ANO5: variants seen among roughly 807,000 people sequenced by gnomAD.
ANO5 encodes anoctamin-5.
ANO5 carries 109 observed loss-of-function variants against 121.0 expected under a neutral mutation model. The observed-to-expected ratio is 0.90, with a 90% CI of 0.77 to 1.06. ANO5 has a LOEUF of 1.06. Among genes scored for constraint, ANO5 ranks in the 50% least tolerant of loss-of-function variants. The probability of loss-of-function intolerance (pLI) is 0.00; values close to 1 mark genes in which losing one functional copy is unlikely to be tolerated. For missense variants in ANO5, 1,064 were observed against 1,078.5 expected, an observed-to-expected ratio of 0.99 and a Z score of 0.19; for synonymous variants, 406 against 359.9, an observed-to-expected ratio of 1.13 and a Z score of -1.45.
chr11:22,205,690 A>T (rs1852097270), intron 2 of ANO5, among the ~76,000 whole-genome samples: 1 of 152,156 alleles, frequency 6.6e-6, no homozygotes, highest in South Asian at 2.1e-4. Context: ...AAGCTGTGGA[A>T]AGATACATAA....
chr11:22,262,354 C>T (rs1462445866), intron 16 of ANO5, 56 bp downstream of exon 16: 1 of 1,572,206 alleles, frequency 6.4e-7, no homozygotes, highest in Non-Finnish European at 8.7e-7. Flanking sequence ...GTATTAACAA[C>T]TTTCTGTGTG....
intron 2 of ANO5, among the ~76,000 whole-genome samples, chr11:22,206,694 ATATTG>A (rs1164664263): frequency 6.6e-6 from 1 of 152,098 alleles, no homozygotes; most frequent in Non-Finnish European, 1.5e-5. Flanking sequence ...ATCAGAAAAA[ATATTG>A]TCAAAATTTA....
Position 22,279,763 on chromosome 11 carries a change from T to C in ANO5, c.2740T>C (p.Ter914GlnextTer3). 6.2e-7 allele frequency: 1 copy of C among 1,610,418 alleles called. No homozygotes were observed. Among genetic ancestry groups the C allele is most frequent in the Non-Finnish European group, 8.5e-7 (1 of 1,177,546 alleles). Reference sequence around the variant, plus strand: ...AGCACAGCTGGCTAAATCAACACTCTAATCAGTATAGTGAGGAAGCAGCAG... The same window carrying C: ...AGCACAGCTGGCTAAATCAACACTCCAATCAGTATAGTGAGGAAGCAGCAG... ...NKAQLAKSTL[*>Q] Residue 914 changes from the stop codon to glutamine (Q), a stop_lost, in exon 22 of 22, where the codon TAA becomes CAA. Transcript: ENST00000324559.
At chr11:22,228,433 G>A (rs1461876159) in intron 7 of ANO5, among the ~76,000 whole-genome samples, 1 of 151,904 alleles carries the variant, frequency 6.6e-6, no homozygotes, top group Non-Finnish European at 1.5e-5. Context: ...TATACATTAT[G>A]TAATGAACAA....
At chr11:22,204,334 AATTTTAAGAACCAT>A (rs1016489215) in intron 2 of ANO5, among the ~76,000 whole-genome samples, 1 of 152,132 alleles carries the variant, frequency 6.6e-6, no homozygotes, top group African/African-American at 2.4e-5. Flanking sequence ...TTCTTATATA[AATTTTAAGAACCAT>A]ACAAACAATT....
At position 22,227,335 on chromosome 11, in the gene ANO5, A is replaced by T; in HGVS notation, c.397A>T (p.Ile133Phe). Reference protein sequence around the residue: ...SEDGRTYFVKIHAPWEVLVTY... With the variant: ...SEDGRTYFVKFHAPWEVLVTY... Reference sequence around the variant, plus strand: ...AGATGGAAGAACTTATTTTGTCAAGATCCATGCCCCTTGGGAGGTATTAGT... The same window carrying T: ...AGATGGAAGAACTTATTTTGTCAAGTTCCATGCCCCTTGGGAGGTATTAGT... Residue 133 changes from isoleucine to phenylalanine, a missense_variant, in exon 7 of 22, where the codon ATC becomes TTC. Ile to Phe is a conservative substitution (Grantham distance 21, BLOSUM62 0). Coordinates refer to ENST00000324559, the MANE Select transcript of ANO5 (RefSeq NM_213599.3). 2 of 1,613,330 alleles carry T rather than the reference A, an allele frequency of 1.2e-6. No individual in the cohort carries two copies. Among genetic ancestry groups the T allele is most frequent in the East Asian group, 2.2e-5 (1 of 44,840 alleles).
chr11:22,203,610 C>T (rs1852027324), intron 1 of ANO5, among the ~76,000 whole-genome samples, 194 bp from the exon 2 acceptor site: 1 of 152,098 alleles, frequency 6.6e-6, no homozygotes, highest in Non-Finnish European at 1.5e-5. Flanking sequence ...CTGTTATAGG[C>T]AGTTTTAGGT....
At chr11:22,217,053 G>A (rs1022128365) in intron 3 of ANO5, among the ~76,000 whole-genome samples, 2 of 151,858 alleles carry the variant, frequency 1.3e-5, no homozygotes, top group Non-Finnish European at 2.9e-5. Flanking sequence ...ACCAACATTT[G>A]TCTTGTATCT....
upstream of ANO5, chr11:22,193,068 T>G (rs566670770): frequency 5.8e-6 from 6 of 1,032,818 alleles, no homozygotes; most frequent in South Asian, 1.7e-4. Context: ...AAAGGAAAGC[T>G]GCCAGAGGGC....
chr11:22,230,852 A>G (rs1853017018), intron 7 of ANO5, among the ~76,000 whole-genome samples: 1 of 151,896 alleles, frequency 6.6e-6, no homozygotes, highest in African/African-American at 2.4e-5. Flanking sequence ...TATCAGTTTA[A>G]CTCCTAACTC....
intron 19 of ANO5, among the ~76,000 whole-genome samples, chr11:22,273,357 G>A (rs1854700883): frequency 6.6e-6 from 1 of 152,082 alleles, no homozygotes; most frequent in Non-Finnish European, 1.5e-5. Flanking sequence ...TTATTAAAAT[G>A]TAAGAACAAT....
chr11:22,193,356 G>A lies in ANO5; in HGVS notation c.-137G>A, dbSNP rs981473428. ...AAGGAGGCCTGCAGAAGGAAGAGCA[G>A]GCCCTTAGAAGTCCAGCAGCAGCAA... is the stretch of plus-strand genomic sequence containing the variant. On this transcript the variant is annotated 5_prime_UTR_variant, in exon 1 of 22. Coordinates refer to ENST00000324559, the MANE Select transcript of ANO5 (RefSeq NM_213599.3). The A allele has an allele frequency of 1.6e-4, 227 of 1,391,168 alleles. 4 individuals carry two copies. The South Asian group carries it at 2.2e-3, about 13-fold the overall frequency. 86.2% of individuals were successfully genotyped at this position (1,391,168 alleles called of 1,614,324 possible).
At chr11:22,211,394 T>A in intron 3 of ANO5, 80 bp downstream of exon 3, 5 of 1,441,164 alleles carry the variant, frequency 3.5e-6, no homozygotes, top group Non-Finnish European at 4.9e-6. Context: ...ATGATACTCT[T>A]TTCCAGTTCA....
chr11:22,260,354 C>G (rs940124892), intron 15 of ANO5, among the ~76,000 whole-genome samples: 1 of 151,726 alleles, frequency 6.6e-6, no homozygotes, highest in Non-Finnish European at 1.5e-5. Flanking sequence ...GCAGTAAGAT[C>G]GGAAACTCAA....
At chr11:22,223,435 G>A (rs1374672753) in intron 5 of ANO5, among the ~76,000 whole-genome samples, 2 of 151,936 alleles carry the variant, frequency 1.3e-5, no homozygotes, top group Non-Finnish European at 2.9e-5. Context: ...GAGTGCCCTA[G>A]GTTTTTATTA....
At chr11:22,222,365 C>A (rs928249152) in intron 5 of ANO5, among the ~76,000 whole-genome samples, 1 of 151,842 alleles carries the variant, frequency 6.6e-6, no homozygotes, top group African/African-American at 2.4e-5. Context: ...TATTTTGACA[C>A]TCTGGCCTCT....
intron 12 of ANO5, among the ~76,000 whole-genome samples, chr11:22,252,809 A>C (rs200052434): frequency 6.6e-6 from 1 of 151,840 alleles, no homozygotes; most frequent in Non-Finnish European, 1.5e-5. Flanking sequence ...ATTTCATTTT[A>C]TTTATACTTT....
intron 2 of ANO5, among the ~76,000 whole-genome samples, chr11:22,207,135 C>A (rs893685132): frequency 2.0e-5 from 3 of 151,470 alleles, no homozygotes; most frequent in South Asian, 4.2e-4. Context: ...TGTGGAAACC[C>A]AAATTGGTAT....
intron 9 of ANO5, among the ~76,000 whole-genome samples, chr11:22,245,761 G>T (rs1853594551): frequency 6.6e-6 from 1 of 152,040 alleles, no homozygotes; most frequent in Non-Finnish European, 1.5e-5. Context: ...TCAATGTGTT[G>T]TCTGTAGACA....
Sources: gnomAD v4.1 joint callset for allele counts (sites outside exome capture counted in the v4.1 genomes callset) on GRCh38, gnomAD v4.1.1 for gene constraint, MANE v1.5 for transcripts, NCBI Gene and HGNC (gene_info 2026-07-23, HGNC 2026-07-21) for gene names.